The following GALNT13 variants were observed in gnomAD, a reference collection of about 807,000 sequenced individuals.
GALNT13 encodes polypeptide N-acetylgalactosaminyltransferase 13, also known as UDP-GalNAc:polypeptide N-acetylgalactosaminyltransferase 13.
Under a neutral mutation model 64.2 loss-of-function variants are expected in GALNT13, and 28 were observed. That is an observed-to-expected ratio of 0.44 (90% CI 0.32 to 0.60). The LOEUF (loss-of-function observed/expected upper bound fraction) is 0.60, where lower values mean the gene tolerates loss of function less well. Ranked by LOEUF, GALNT13 falls within the 20% of genes least tolerant of loss-of-function variation. The pLI, the probability that GALNT13 is intolerant of heterozygous loss-of-function variation, is 0.05. For missense variants in GALNT13, 577 were observed against 669.8 expected (o/e 0.86, Z 1.53); for synonymous variants, 214 against 224.6 (o/e 0.95, Z 0.42).
the GALNT13 span, among the ~76,000 whole-genome samples, chr2:153,331,690 G>A: frequency 1.7e-3 from 265 of 152,042 alleles, 4 homozygotes; most frequent in Admixed American, 0.014. Flanking sequence ...CAGATTAAGG[G>A]TGGATCTGCC....
chr2:154,291,717 C>T (rs1692648989), intron 8 of GALNT13, among the ~76,000 whole-genome samples: 1 of 152,238 alleles, frequency 6.6e-6, no homozygotes, highest in African/African-American at 2.4e-5. Context: ...AGCTGGCTCC[C>T]GCCTTGGCCA....
chr2:153,158,597 A>G, the GALNT13 span, among the ~76,000 whole-genome samples: 1 of 152,116 alleles, frequency 6.6e-6, no homozygotes, highest in Admixed American at 6.5e-5. Context: ...ACACTTAATG[A>G]GATGATGGGA....
At chr2:153,069,122 T>TGG in the GALNT13 span, among the ~76,000 whole-genome samples, 1 of 152,216 alleles carries the variant, frequency 6.6e-6, no homozygotes, top group East Asian at 1.9e-4. Flanking sequence ...TGGGTGGTGC[T>TGG]ACCTCTTTGA....
the GALNT13 span, among the ~76,000 whole-genome samples, chr2:153,426,655 C>A: frequency 1.3e-5 from 2 of 152,014 alleles, no homozygotes; most frequent in Non-Finnish European, 2.9e-5. Context: ...AAACCCAAAT[C>A]TGGTGTACAT....
rs35825821 is a variant in GALNT13 at position 154,417,282 on chromosome 2, CAAAAA to C, written c.1395+8217_1395+8221del. On this transcript the variant is annotated intron_variant, in intron 11 of 12. Coordinates refer to ENST00000392825, the MANE Select transcript of GALNT13 (RefSeq NM_052917.4). ...CCCAGTTGGAAAAACAAACAAGCAC[CAAAAA>C]AAAAAAAAAAAAAAAACCTGAAAGA... is the stretch of plus-strand genomic sequence containing the variant. Among the ~76,000 whole-genome samples, 247 of 75,128 alleles carry C rather than the reference CAAAAA, an allele frequency of 3.3e-3. 9 individuals are homozygous for C. In the East Asian group the frequency reaches 0.074, roughly 22 times the overall value. 49.3% of individuals were successfully genotyped at this position (75,128 alleles called of 152,430 possible).
At chr2:153,593,131 C>T in the GALNT13 span, 1 of 152,504 alleles carries the variant, frequency 6.6e-6, no homozygotes, top group African/African-American at 2.4e-5. Flanking sequence ...AGTGTGCAGA[C>T]TTCACAGCCC....
At chr2:153,727,740 A>G in the GALNT13 span, among the ~76,000 whole-genome samples, 1 of 143,854 alleles carries the variant, frequency 7.0e-6, no homozygotes, top group African/African-American at 2.7e-5. Flanking sequence ...TTTTTTTTTT[A>G]ACTTTTACTT....
intron 4 of GALNT13, among the ~76,000 whole-genome samples, chr2:154,218,247 G>C (rs1182624717): frequency 2.0e-5 from 3 of 152,096 alleles, no homozygotes; most frequent in Non-Finnish European, 4.4e-5. Context: ...CAAAGGCTTT[G>C]AACAGGTGAT....
chr2:154,111,038 G>A (rs1702957771), intron 3 of GALNT13, among the ~76,000 whole-genome samples: 1 of 152,160 alleles, frequency 6.6e-6, no homozygotes, highest in African/African-American at 2.4e-5. Flanking sequence ...TATTTTCGTA[G>A]TACAAGTATA....
the GALNT13 span, among the ~76,000 whole-genome samples, chr2:153,586,076 G>A: frequency 6.6e-5 from 10 of 152,196 alleles, no homozygotes; most frequent in African/African-American, 2.2e-4. Context: ...AGGAGGAAGA[G>A]AAAGGAATCA....
At chr2:153,221,815 T>C in the GALNT13 span, among the ~76,000 whole-genome samples, 1 of 152,208 alleles carries the variant, frequency 6.6e-6, no homozygotes, top group Non-Finnish European at 1.5e-5. Context: ...CTGGATCAGA[T>C]GCACCACAAG....
chr2:154,291,007 A>G (rs1387364123), intron 8 of GALNT13, among the ~76,000 whole-genome samples: 4 of 152,014 alleles, frequency 2.6e-5, no homozygotes, highest in Admixed American at 6.6e-5. Flanking sequence ...GTTACAGCTC[A>G]TAAAGGCAGC....
intron 9 of GALNT13, among the ~76,000 whole-genome samples, chr2:154,312,809 A>G (rs994739711): frequency 9.2e-5 from 14 of 152,164 alleles, no homozygotes; most frequent in African/African-American, 3.1e-4. Context: ...CATAACCATG[A>G]ACAGAATACC....
At chr2:154,234,676 C>T (rs571796804) in intron 4 of GALNT13, among the ~76,000 whole-genome samples, 32 of 152,188 alleles carry the variant, frequency 2.1e-4, no homozygotes, top group African/African-American at 7.7e-4. Flanking sequence ...GGTATTTCTA[C>T]ACTTCTATTT....
At chr2:153,413,949 A>G in the GALNT13 span, among the ~76,000 whole-genome samples, 48 of 152,328 alleles carry the variant, frequency 3.2e-4, no homozygotes, top group African/African-American at 1.1e-3. Context: ...ATCTCTGTAC[A>G]TCCTATGACT....
the GALNT13 span, among the ~76,000 whole-genome samples, chr2:153,786,493 C>T: frequency 2.0e-5 from 3 of 152,150 alleles, no homozygotes; most frequent in Non-Finnish European, 4.4e-5. Context: ...TCCTCTGCCA[C>T]TGCCACAGCA....
chr2:153,201,063 G>A, the GALNT13 span, among the ~76,000 whole-genome samples: 1 of 152,246 alleles, frequency 6.6e-6, no homozygotes, highest in Admixed American at 6.5e-5. Flanking sequence ...ATTTTCATCA[G>A]TAATTTCCCC....
intron 4 of GALNT13, among the ~76,000 whole-genome samples, chr2:154,197,843 A>G (rs1191616759): frequency 6.6e-6 from 1 of 152,098 alleles, no homozygotes; most frequent in African/African-American, 2.4e-5. Flanking sequence ...TAATTCTTAA[A>G]AGACATTGAT....
intron 3 of GALNT13, among the ~76,000 whole-genome samples, chr2:154,017,748 A>G (rs375212418): frequency 5.9e-5 from 9 of 152,286 alleles, no homozygotes; most frequent in East Asian, 3.9e-4. Flanking sequence ...AAGTTTTACT[A>G]TTTTTGAAAC....
Sources: gnomAD v4.1 joint callset for allele counts (sites outside exome capture counted in the v4.1 genomes callset) on GRCh38, gnomAD v4.1.1 for gene constraint, MANE v1.5 for transcripts, NCBI Gene and HGNC (gene_info 2026-07-23, HGNC 2026-07-21) for gene names.